The following CNTN4 variants were observed in gnomAD, a reference collection of about 807,000 sequenced individuals.
CNTN4 encodes contactin 4, also known as contactin-4.
CNTN4 carries 77 observed loss-of-function variants against 122.5 expected under a neutral mutation model. The ratio of observed to expected loss-of-function variants is 0.63; its 90% CI spans 0.52 to 0.76. CNTN4 has a LOEUF of 0.76. CNTN4 is among the 30% of genes least tolerant of loss of function. CNTN4 has a pLI of 0.00. For synonymous variants in CNTN4, 512 were observed against 447.0 expected (o/e 1.15, Z -1.83); for missense variants, 1,256 against 1,259.1 (o/e 1.00, Z 0.04).
rs115173413 is a variant in CNTN4 at position 2,301,988 on chromosome 3, G to A, written c.-144-37190G>A. Among the ~76,000 whole-genome samples, 541 of 152,326 alleles carry A rather than the reference G, an allele frequency of 3.6e-3. 2 individuals carry two copies. The highest frequency in any genetic ancestry group is 0.012 in the African/African-American group (499 of 41,572). On this transcript the variant is annotated intron_variant, in intron 2 of 24. Coordinates refer to ENST00000418658, the MANE Select transcript of CNTN4 (RefSeq NM_175607.3). ...TGGAGCCACTAGTTATTAATCATAC[G>A]TGTGTATGTGCATGTGCACGTGTGT...
chr3:2,944,390 T>C (rs1041874340), intron 13 of CNTN4, among the ~76,000 whole-genome samples: 3 of 152,188 alleles, frequency 2.0e-5, no homozygotes, highest in African/African-American at 7.2e-5. Context: ...AAGAACTCCT[T>C]GAACTGGCTC....
rs142143587 is a variant in CNTN4 at position 2,969,571 on chromosome 3, G to T, written c.1359-18774G>T. On this transcript the variant is annotated intron_variant, in intron 13 of 24. Transcript: ENST00000418658. The stretch of plus-strand genomic sequence containing the variant: ...ACAAAGAGAAATGGATGCTGTGCAG[G>T]CAATACAGTAGATGTCCAATCCACA... 9.3e-3 allele frequency among the ~76,000 whole-genome samples: 1,410 copies of T among 151,548 alleles called. 74 individuals carry two copies. The highest frequency in any genetic ancestry group is 0.076 in the Admixed American group (1,156 of 15,222).
At chr3:2,314,838 A>T (rs2043038542) in intron 2 of CNTN4, among the ~76,000 whole-genome samples, 1 of 152,038 alleles carries the variant, frequency 6.6e-6, no homozygotes, top group African/African-American at 2.4e-5. Context: ...GCAGCAAAAT[A>T]TGAACAATCA....
rs144286497 is a variant in CNTN4 at position 2,258,357 on chromosome 3, T to A, written c.-144-80821T>A. On this transcript the variant is annotated intron_variant, in intron 2 of 24. Coordinates refer to ENST00000418658, the MANE Select transcript of CNTN4 (RefSeq NM_175607.3). ...TGGAACCAACCCAAATGCCCATCAG[T>A]GATAGACTGGGCTTTCTGATCTTTT... Among the ~76,000 whole-genome samples the A allele has an allele frequency of 1.4e-3, 217 of 152,342 alleles. 2 individuals are homozygous for A. Among genetic ancestry groups the A allele is most frequent in the East Asian group, 2.1e-3 (11 of 5,182 alleles).
intron 2 of CNTN4, among the ~76,000 whole-genome samples, chr3:2,176,661 A>T (rs572640178): frequency 5.2e-4 from 79 of 152,328 alleles, no homozygotes; most frequent in African/African-American, 1.8e-3. Flanking sequence ...ACAGATTAGC[A>T]TGATATGCCA....
intron 4 of CNTN4, among the ~76,000 whole-genome samples, chr3:2,630,732 AC>A (rs34326367): frequency 0.41 from 57,779 of 140,124 alleles, 11,362 homozygotes; most frequent in East Asian, 0.63. Context: ...GTGTGTGTGT[AC>A]TATATGTTTA....
intron 4 of CNTN4, among the ~76,000 whole-genome samples, chr3:2,683,226 T>A (rs2085255326): frequency 6.6e-6 from 1 of 151,840 alleles, no homozygotes; most frequent in Non-Finnish European, 1.5e-5. Flanking sequence ...AAGAAGAGAT[T>A]GAGTGGAATA....
At chr3:2,591,438 C>T (rs2149662753) in intron 4 of CNTN4, among the ~76,000 whole-genome samples, 1 of 92,792 alleles carries the variant, frequency 1.1e-5, no homozygotes, top group South Asian at 4.7e-4. Context: ...GATCTCGGCT[C>T]ACTGCAAGCT....
At chr3:2,979,181 G>C (rs1693715821) in intron 13 of CNTN4, among the ~76,000 whole-genome samples, 2 of 152,292 alleles carry the variant, frequency 1.3e-5, no homozygotes, top group South Asian at 2.1e-4. Context: ...TCTTGAGGCA[G>C]TCACCTGGTA....
chr3:2,255,396 G>T (rs893874922), intron 2 of CNTN4, among the ~76,000 whole-genome samples: 2 of 152,088 alleles, frequency 1.3e-5, no homozygotes, highest in African/African-American at 4.8e-5. Context: ...AATTAACAAG[G>T]ATATTTAGGA....
At chr3:2,901,402 G>T (rs2094171868) in intron 11 of CNTN4, among the ~76,000 whole-genome samples, 1 of 152,184 alleles carries the variant, frequency 6.6e-6, no homozygotes, top group African/African-American at 2.4e-5. Flanking sequence ...CCAGAAAAGA[G>T]TGCCTGCTCG....
chr3:2,747,225 C>A (rs987098837), intron 6 of CNTN4, among the ~76,000 whole-genome samples: 3 of 151,776 alleles, frequency 2.0e-5, no homozygotes, highest in Admixed American at 6.6e-5. Flanking sequence ...CTGGCTAACA[C>A]GATGAAACCG....
chr3:2,520,682 T>A (rs1169369426), intron 3 of CNTN4, among the ~76,000 whole-genome samples: 3 of 152,152 alleles, frequency 2.0e-5, no homozygotes, highest in Non-Finnish European at 2.9e-5. Context: ...CACTTTTTTT[T>A]AAACCACAAG....
chr3:2,953,073 G>A (rs544787685), intron 13 of CNTN4, among the ~76,000 whole-genome samples: 1 of 152,296 alleles, frequency 6.6e-6, no homozygotes, highest in South Asian at 2.1e-4. Context: ...GAATTCATCT[G>A]TAGGTTATTT....
intron 6 of CNTN4, among the ~76,000 whole-genome samples, chr3:2,786,564 C>A (rs1017201164): frequency 1.3e-5 from 2 of 152,154 alleles, no homozygotes; most frequent in South Asian, 2.1e-4. Context: ...TGAGTTTAGA[C>A]CTGAAAGACA....
intron 13 of CNTN4, among the ~76,000 whole-genome samples, chr3:2,926,091 C>G (rs1188502196): frequency 1.3e-5 from 2 of 152,132 alleles, no homozygotes; most frequent in Non-Finnish European, 2.9e-5. Context: ...GTAGATTTCC[C>G]CACCTTTCCC....
chr3:2,552,218 T>C (rs564684698), intron 3 of CNTN4, among the ~76,000 whole-genome samples: 22 of 152,044 alleles, frequency 1.4e-4, no homozygotes, highest in African/African-American at 5.3e-4. Flanking sequence ...TTTACAAACA[T>C]AACAAAACAA....
chr3:2,962,490 G>C (rs888986343), intron 13 of CNTN4, among the ~76,000 whole-genome samples: 1 of 152,210 alleles, frequency 6.6e-6, no homozygotes, highest in African/African-American at 2.4e-5. Context: ...GAGGGACTTA[G>C]AAAACCCCTG....
intron 3 of CNTN4, among the ~76,000 whole-genome samples, chr3:2,369,804 C>T (rs2150642606): frequency 6.6e-6 from 1 of 152,224 alleles, no homozygotes; most frequent in Admixed American, 6.5e-5. Flanking sequence ...GAAATAGTAA[C>T]AGTTGCATTG....
Sources: gnomAD v4.1 joint callset for allele counts (sites outside exome capture counted in the v4.1 genomes callset) on GRCh38, gnomAD v4.1.1 for gene constraint, MANE v1.5 for transcripts, NCBI Gene and HGNC (gene_info 2026-07-23, HGNC 2026-07-21) for gene names.